Variants in GALNT13 observed in about 807,000 individuals in gnomAD.
GALNT13 encodes the protein UDP-GalNAc:polypeptide N-acetylgalactosaminyltransferase 13.
GALNT13 carries 28 observed loss-of-function variants against 64.2 expected under a neutral mutation model. That is an observed-to-expected ratio of 0.44 (90% CI 0.32 to 0.60). The LOEUF (loss-of-function observed/expected upper bound fraction) is 0.60. Among genes scored for constraint, GALNT13 ranks in the 20% least tolerant of loss-of-function variants. The pLI, the probability that GALNT13 is intolerant of heterozygous loss-of-function variation, is 0.05. For synonymous variants in GALNT13, 214 were observed against 224.6 expected (o/e 0.95, Z 0.42); for missense variants, 577 against 669.8 (o/e 0.86, Z 1.53).
In GALNT13 at chr2:154,283,475, G is replaced by A. The variant is rs1417110467; in HGVS notation, c.976-17934G>A. Among the ~76,000 whole-genome samples, 7 of 151,350 alleles carry A rather than the reference G, an allele frequency of 4.6e-5. No individual in the cohort carries two copies. The South Asian group carries it at 1.2e-3, about 27-fold the overall frequency. ...TTTTTTTAGACTTTGCAAACACTGAGAGAATGGTATCTTTAATTTCTGATT... is the reference window on the plus strand; with the variant it reads ...TTTTTTTAGACTTTGCAAACACTGAAAGAATGGTATCTTTAATTTCTGATT... On this transcript the variant is annotated intron_variant, in intron 8 of 12. Transcript: ENST00000392825.
chr2:153,084,111 C>A, the GALNT13 span, among the ~76,000 whole-genome samples: 6 of 152,286 alleles, frequency 3.9e-5, no homozygotes, highest in Non-Finnish European at 8.8e-5. Flanking sequence ...TGTTCTTATA[C>A]AAGTACTATG....
At chr2:153,435,876 T>C in the GALNT13 span, among the ~76,000 whole-genome samples, 2 of 151,508 alleles carry the variant, frequency 1.3e-5, no homozygotes, top group Non-Finnish European at 2.9e-5. Context: ...TGAATAGGAG[T>C]GGTGAGAGAG....
chr2:153,200,359 G>T, the GALNT13 span, among the ~76,000 whole-genome samples: 1 of 152,240 alleles, frequency 6.6e-6, no homozygotes, highest in Non-Finnish European at 1.5e-5. Context: ...AAAGTTGGTG[G>T]TCAGGAAGTT....
intron 2 of GALNT13, among the ~76,000 whole-genome samples, chr2:153,912,602 A>G (rs958635876): frequency 2.6e-5 from 4 of 151,864 alleles, no homozygotes; most frequent in African/African-American, 9.7e-5. Context: ...ATCCTATTTA[A>G]TGACCTTGGG....
intron 4 of GALNT13, among the ~76,000 whole-genome samples, chr2:154,153,451 C>G (rs1469800673): frequency 6.6e-6 from 1 of 152,218 alleles, no homozygotes; most frequent in African/African-American, 2.4e-5. Flanking sequence ...AGCCACTGCT[C>G]TCTTCAAAGC....
At chr2:153,140,512 G>GC in the GALNT13 span, among the ~76,000 whole-genome samples, 1 of 152,078 alleles carries the variant, frequency 6.6e-6, no homozygotes, top group East Asian at 1.9e-4. Flanking sequence ...TTCAAATTGA[G>GC]CAGGACTAAC....
chr2:153,891,336 T>A (rs1687539307), intron 1 of GALNT13, among the ~76,000 whole-genome samples: 1 of 152,048 alleles, frequency 6.6e-6, no homozygotes, highest in South Asian at 2.1e-4. Flanking sequence ...CCTTTCTACT[T>A]GCTATAAGAA....
the GALNT13 span, among the ~76,000 whole-genome samples, chr2:153,808,962 A>T: frequency 1.3e-5 from 2 of 152,338 alleles, no homozygotes; most frequent in Middle Eastern, 3.4e-3. Context: ...GAAAAAGCAC[A>T]ACCACACTGA....
chr2:154,220,447 A>G (rs1688265125), intron 4 of GALNT13, among the ~76,000 whole-genome samples: 1 of 152,100 alleles, frequency 6.6e-6, no homozygotes, highest in Admixed American at 6.6e-5. Context: ...ATTCTCAGCA[A>G]TTCTAAAGTC....
At chr2:154,392,032 A>G (rs1317924989) in intron 9 of GALNT13, among the ~76,000 whole-genome samples, 1 of 152,204 alleles carries the variant, frequency 6.6e-6, no homozygotes, top group Non-Finnish European at 1.5e-5. Context: ...TACAGACAGA[A>G]AAAAAGAAGT....
intron 3 of GALNT13, among the ~76,000 whole-genome samples, chr2:153,964,453 C>CA (rs1264407481): frequency 4.6e-5 from 7 of 150,864 alleles, no homozygotes; most frequent in African/African-American, 1.2e-4. Flanking sequence ...TGTCTCAAAG[C>CA]AAAAAAAAGA....
At chr2:153,417,130 G>T in the GALNT13 span, among the ~76,000 whole-genome samples, 1 of 152,160 alleles carries the variant, frequency 6.6e-6, no homozygotes, top group East Asian at 1.9e-4. Context: ...CTGGGGAAAA[G>T]CATGGTAGGA....
At chr2:153,862,872 AT>A in the GALNT13 span, among the ~76,000 whole-genome samples, 1 of 152,122 alleles carries the variant, frequency 6.6e-6, no homozygotes, top group African/African-American at 2.4e-5. Flanking sequence ...AACTTCTAAT[AT>A]TTTAAAATAA....
chr2:154,327,969 ACT>A (rs1160275214), intron 9 of GALNT13, among the ~76,000 whole-genome samples: 1 of 151,730 alleles, frequency 6.6e-6, no homozygotes, highest in East Asian at 1.9e-4. Context: ...TGTTAACCTC[ACT>A]CTCCTATTTT....
chr2:154,117,017 A>G lies in GALNT13; in HGVS notation c.143-23320A>G, dbSNP rs1681605435. ...TCCAAGTCCCAAAACTGAAGAACTC[A>G]GAGTCCGATGTTCAAGGGCAGGAAG... On this transcript the variant is annotated intron_variant, in intron 3 of 12. Transcript: ENST00000392825. Among the ~76,000 whole-genome samples the G allele has an allele frequency of 2.6e-5, 4 of 152,324 alleles. No homozygotes were observed. The South Asian group carries it at 8.3e-4, about 32-fold the overall frequency.
chr2:154,191,770 C>T (rs1323991990), intron 4 of GALNT13, among the ~76,000 whole-genome samples: 2 of 152,110 alleles, frequency 1.3e-5, no homozygotes, highest in African/African-American at 4.8e-5. Flanking sequence ...GCTTCGACCC[C>T]ACGGCAGTGT....
rs553540410 is a variant in GALNT13, at chr2:154,268,868, G to A, written c.975+9730G>A. On this transcript the variant is annotated intron_variant, in intron 8 of 12. Coordinates refer to ENST00000392825, the MANE Select transcript of GALNT13 (RefSeq NM_052917.4). ...AAGCTGTTTATAAATAAACTGTATG[G>A]CAATATTACTTTTTATTATAATTAC... Among the ~76,000 whole-genome samples, 3 of 152,112 alleles carry A rather than the reference G, an allele frequency of 2.0e-5. No individual in the cohort carries two copies. The South Asian group carries it at 6.2e-4, about 32-fold the overall frequency.
At chr2:153,870,238 T>A (rs1685837591), upstream of GALNT13, among the ~76,000 whole-genome samples, 1 of 152,152 alleles carries the variant, frequency 6.6e-6, no homozygotes, top group African/African-American at 2.4e-5. Context: ...TACGTAAATA[T>A]CCAATTACCC....
chr2:153,071,261 A>T, the GALNT13 span, among the ~76,000 whole-genome samples: 1 of 152,246 alleles, frequency 6.6e-6, no homozygotes. Context: ...GATATAAAAC[A>T]GGTAGCCTTC....
Sources: gnomAD v4.1 joint callset for allele counts (sites outside exome capture counted in the v4.1 genomes callset) on GRCh38, gnomAD v4.1.1 for gene constraint, MANE v1.5 for transcripts, NCBI Gene and HGNC (gene_info 2026-07-23, HGNC 2026-07-21) for gene names.